TRAT1: variants seen among roughly 807,000 people sequenced by gnomAD.
The protein encoded by TRAT1 is T-cell receptor-associated transmembrane adapter 1.
TRAT1 carries 20 observed loss-of-function variants against 20.0 expected under a neutral mutation model. That is an observed-to-expected ratio of 1.00 (90% CI 0.70 to 1.45). The LOEUF is 1.45. TRAT1 is among the 40% of genes most tolerant of loss of function. The probability of loss-of-function intolerance (pLI) is 0.00; values close to 1 mark genes in which losing one functional copy is unlikely to be tolerated. For synonymous variants in TRAT1, 77 were observed against 74.2 expected (o/e 1.04, Z -0.20); for missense variants, 237 against 224.1 (o/e 1.06, Z -0.37).
chr3:108,845,686 T>C (rs186198484), intron 3 of TRAT1, among the ~76,000 whole-genome samples: 89 of 152,306 alleles, frequency 5.8e-4, no homozygotes, highest in Non-Finnish European at 1.0e-3. Context: ...ACAGGTGTTA[T>C]GCCTTGAGAT....
chr3:108,842,973 C>A (rs957886063), intron 3 of TRAT1, among the ~76,000 whole-genome samples: 1 of 152,188 alleles, frequency 6.6e-6, no homozygotes, highest in Non-Finnish European at 1.5e-5. Context: ...GCCTCAGTCA[C>A]ACAAAATAGT....
intron 1 of TRAT1, among the ~76,000 whole-genome samples, chr3:108,824,755 A>T (rs1253479800): frequency 6.6e-6 from 1 of 152,210 alleles, no homozygotes; most frequent in East Asian, 1.9e-4. Context: ...GCAAAGAACA[A>T]AAACAAGTGT....
chr3:108,831,485 G>T (rs901919906), intron 2 of TRAT1, among the ~76,000 whole-genome samples: 4 of 151,480 alleles, frequency 2.6e-5, no homozygotes, highest in African/African-American at 4.8e-5. Flanking sequence ...ATTACATGTT[G>T]AATACATATG....
chr3:108,825,471 T>C (rs1434409360), intron 1 of TRAT1, among the ~76,000 whole-genome samples: 1 of 152,170 alleles, frequency 6.6e-6, no homozygotes, highest in East Asian at 1.9e-4. Context: ...TATCTTCTCT[T>C]GAGCCTCATC....
At chr3:108,838,635 T>A (rs1438470390) in intron 2 of TRAT1, among the ~76,000 whole-genome samples, 1 of 152,154 alleles carries the variant, frequency 6.6e-6, no homozygotes, top group African/African-American at 2.4e-5. Flanking sequence ...AAAACCGCAA[T>A]GCATCCAGGC....
At chr3:108,830,283 G>C (rs150676439) in intron 1 of TRAT1, among the ~76,000 whole-genome samples, 2 of 152,174 alleles carry the variant, frequency 1.3e-5, no homozygotes, top group Non-Finnish European at 2.9e-5. Context: ...TAAGGAAAGC[G>C]TGTATGATTA....
At position 108,853,652 on chromosome 3, in the gene TRAT1, A is replaced by C; in HGVS notation, c.336A>C (p.Ser112=). Residue 112 remains serine, a synonymous_variant, in exon 6 of 6, where the codon TCA becomes TCC. Coordinates refer to ENST00000295756, the MANE Select transcript of TRAT1 (RefSeq NM_016388.4). ...ATGAAACACAGATGTGCTACGCCTCACTTGATCACAGCGTTAAGGGGAAGC... is the reference window on the plus strand; with the variant it reads ...ATGAAACACAGATGTGCTACGCCTCCCTTGATCACAGCGTTAAGGGGAAGC... ...ATNETQMCYA[S]LDHSVKGKRR... 8.7e-6 allele frequency: 14 copies of C among 1,614,090 alleles called. No individual in the cohort carries two copies. Among genetic ancestry groups the C allele is most frequent in the Non-Finnish European group, 1.2e-5 (14 of 1,179,954 alleles).
intron 4 of TRAT1, among the ~76,000 whole-genome samples, chr3:108,847,977 A>G (rs1164208431): frequency 1.3e-5 from 2 of 152,222 alleles, no homozygotes; most frequent in Non-Finnish European, 2.9e-5. Flanking sequence ...ATTTATTTTT[A>G]TCTTTCCTTT....
Position 108,830,743 on chromosome 3 carries a change from C to T in TRAT1, c.81C>T (p.Ile27=), listed in dbSNP as rs750381526. Reference sequence around the variant, plus strand: ...GCTTGGCTTTGGTTATATCACTGATCTTCAATATTTCCCACTATGTGGAAA... The same window carrying T: ...GCTTGGCTTTGGTTATATCACTGATTTTCAATATTTCCCACTATGTGGAAA... ...LLGLALVISL[I]FNISHYVEKQ... The change falls in exon 2 of 6, where the codon ATC becomes ATT. Residue 27 remains isoleucine, a synonymous_variant. Transcript: ENST00000295756. The T allele has an allele frequency of 1.4e-5, 22 of 1,613,680 alleles. No individual in the cohort carries two copies. The highest frequency in any genetic ancestry group is 1.9e-5 in the Non-Finnish European group (22 of 1,179,730).
At chr3:108,838,395 TAGATAGATAGAG>T (rs1457788621) in intron 2 of TRAT1, among the ~76,000 whole-genome samples, 9 of 145,076 alleles carry the variant, frequency 6.2e-5, no homozygotes, top group Admixed American at 1.4e-4. Context: ...GATAGATAGA[TAGATAGATAGAG>T]ATTGATAAAA....
intron 2 of TRAT1, among the ~76,000 whole-genome samples, chr3:108,833,531 T>C (rs1424472159): frequency 6.6e-6 from 1 of 152,196 alleles, no homozygotes; most frequent in African/African-American, 2.4e-5. Context: ...AGCAGCTCTA[T>C]TACCTAAAAG....
chr3:108,823,671 TTA>T (rs1391682087), intron 1 of TRAT1, among the ~76,000 whole-genome samples: 1 of 152,220 alleles, frequency 6.6e-6, no homozygotes, highest in Non-Finnish European at 1.5e-5. Flanking sequence ...CAAATTTTAT[TTA>T]TATACATTCT....
intron 5 of TRAT1, among the ~76,000 whole-genome samples, chr3:108,853,296 A>G (rs868747561): frequency 5.9e-5 from 9 of 152,170 alleles, no homozygotes; most frequent in South Asian, 2.1e-4. Context: ...TAAGAGCGAC[A>G]CAGGGCCAGA....
intron 1 of TRAT1, among the ~76,000 whole-genome samples, chr3:108,830,325 T>A (rs775655488): frequency 1.3e-5 from 2 of 152,216 alleles, no homozygotes; most frequent in Non-Finnish European, 2.9e-5. Flanking sequence ...GTGAAAAGTA[T>A]AGCAAACTAG....
chr3:108,847,665 C>A (rs902627386), intron 4 of TRAT1, among the ~76,000 whole-genome samples: 4 of 152,078 alleles, frequency 2.6e-5, no homozygotes, highest in African/African-American at 9.7e-5. Context: ...TCTTCAGTTC[C>A]CAGCATCCCT....
At chr3:108,841,836 G>A (rs1945899327) in intron 3 of TRAT1, among the ~76,000 whole-genome samples, 1 of 152,234 alleles carries the variant, frequency 6.6e-6, no homozygotes, top group African/African-American at 2.4e-5. Context: ...TTGCCTTTTG[G>A]TTTGTGTTAG....
At chr3:108,846,961 C>T (rs1421798402) in intron 3 of TRAT1, 107 bp from the exon 4 acceptor site, 1 of 797,652 alleles carries the variant, frequency 1.3e-6, no homozygotes, top group East Asian at 2.7e-5. Context: ...CTGGGGGTAA[C>T]CAAGAATAGG....
At chr3:108,837,257 G>T (rs1945849089) in intron 2 of TRAT1, among the ~76,000 whole-genome samples, 2 of 152,144 alleles carry the variant, frequency 1.3e-5, no homozygotes, top group South Asian at 4.1e-4. Flanking sequence ...CTCTGGACTA[G>T]AAGTATGTTT....
chr3:108,850,463 C>A (rs1412908155), intron 5 of TRAT1, among the ~76,000 whole-genome samples: 1 of 152,038 alleles, frequency 6.6e-6, no homozygotes, highest in Non-Finnish European at 1.5e-5. Context: ...TGCCACCATG[C>A]CCAGCTAATT....
Sources: allele counts gnomAD v4.1 joint callset (sites outside exome capture counted in the v4.1 genomes callset), GRCh38; gene constraint gnomAD v4.1.1; transcripts MANE v1.5; gene names NCBI Gene and HGNC (gene_info 2026-07-23, HGNC 2026-07-21).